Variants in PKD1L3 observed in about 807,000 individuals in gnomAD.
The protein encoded by PKD1L3 is polycystin-1-like protein 3.
In PKD1L3, 239 loss-of-function variants were observed where a neutral mutation model predicts 184.1. That is an observed-to-expected ratio of 1.30 (90% confidence interval 1.17 to 1.45). The LOEUF is 1.45. Among genes scored for constraint, PKD1L3 ranks in the 40% most tolerant of loss-of-function variants. The pLI is 0.00. For missense variants in PKD1L3, 2,660 were observed against 2,067.2 expected, an observed-to-expected ratio of 1.29 and a Z score of -5.56; for synonymous variants, 996 against 778.8, an observed-to-expected ratio of 1.28 and a Z score of -4.64.
intron 11 of PKD1L3, among the ~76,000 whole-genome samples, chr16:71,975,248 G>A (rs2039875979): frequency 6.8e-6 from 1 of 147,812 alleles, no homozygotes. Context: ...TGTGGAGACA[G>A]AGTCTCGCTC....
chr16:71,964,968 C>T (rs542879053), intron 15 of PKD1L3, among the ~76,000 whole-genome samples: 49 of 151,718 alleles, frequency 3.2e-4, no homozygotes, highest in Non-Finnish European at 5.9e-4. Flanking sequence ...CGCCTCAGCC[C>T]CCCAAGTAGC....
Position 71,954,302 on chromosome 16 carries a change from C to A in PKD1L3, c.2613-1G>T. 2 of 1,523,974 alleles carry A rather than the reference C, an allele frequency of 1.3e-6. No individual in the cohort carries two copies. The highest frequency in any genetic ancestry group is 1.2e-5 in the South Asian group (1 of 80,422). The allele number at this position is 1,523,974 out of a possible 1,614,324, so 94.4% of individuals were successfully genotyped here. On this transcript the variant is annotated splice_acceptor_variant, in intron 16 of 29. Coordinates refer to ENST00000620267, the MANE Select transcript of PKD1L3 (RefSeq NM_181536.2). LOFTEE classifies it high-confidence loss of function. ...CACAATCATGGAGGAAAACAGATGT[C>A]TGAAAAGAGAAATCAGAAGAGGAAA...
intron 16 of PKD1L3, among the ~76,000 whole-genome samples, chr16:71,957,079 G>C (rs1007865705): frequency 6.6e-6 from 1 of 152,090 alleles, no homozygotes; most frequent in Non-Finnish European, 1.5e-5. Flanking sequence ...TCATAAATTA[G>C]AATTTTAATT....
At chr16:71,939,723 A>C (rs1448133897) in intron 24 of PKD1L3, among the ~76,000 whole-genome samples, 1 of 152,192 alleles carries the variant, frequency 6.6e-6, no homozygotes, top group African/African-American at 2.4e-5. Flanking sequence ...ATGTGATGGA[A>C]AATGGAAGGA....
chr16:71,932,124 G>A (rs2143092870), intron 28 of PKD1L3, among the ~76,000 whole-genome samples: 1 of 152,252 alleles, frequency 6.6e-6, no homozygotes. Context: ...TTGAATCTGT[G>A]GATGCAGACC....
At chr16:71,937,501 C>G in intron 24 of PKD1L3, 82 bp from the exon 25 acceptor site, 4 of 1,433,870 alleles carry the variant, frequency 2.8e-6, no homozygotes, top group Non-Finnish European at 3.7e-6. Flanking sequence ...TGAATAACCC[C>G]AACTCTTCCT....
At chr16:71,934,247 G>A in intron 26 of PKD1L3, 122 bp from the exon 27 acceptor site, 1 of 837,922 alleles carries the variant, frequency 1.2e-6, no homozygotes. Flanking sequence ...GCTTGTTGAT[G>A]TGAGAACTGC....
chr16:71,980,237 G>A, intron 7 of PKD1L3, 103 bp from the exon 8 acceptor site: 2 of 1,375,820 alleles, frequency 1.5e-6, no homozygotes, highest in South Asian at 2.8e-5. Flanking sequence ...TCACAGTGTT[G>A]TAATGAAGGG....
At chr16:71,986,171 A>G in intron 5 of PKD1L3, 50 bp downstream of exon 5, 1 of 1,541,572 alleles carries the variant, frequency 6.5e-7, no homozygotes, top group Non-Finnish European at 8.8e-7. Context: ...TGAACCAAGT[A>G]CTTTTTGGGG....
intron 21 of PKD1L3, among the ~76,000 whole-genome samples, chr16:71,949,196 GT>G (rs1243521446): frequency 2.6e-5 from 4 of 151,890 alleles, no homozygotes. Context: ...AACATTTTAA[GT>G]TTTTTGTTGT....
chr16:71,997,102 T>G (rs2040813642), intron 2 of PKD1L3, among the ~76,000 whole-genome samples: 1 of 152,072 alleles, frequency 6.6e-6, no homozygotes, highest in African/African-American at 2.4e-5. Flanking sequence ...ACAGTATGAC[T>G]GCTATGGCTA....
chr16:71,969,793 T>C, intron 13 of PKD1L3, 82 bp downstream of exon 13: 1 of 1,278,814 alleles, frequency 7.8e-7, no homozygotes, highest in Non-Finnish European at 1.1e-6. Context: ...TCCTGCTGCT[T>C]TTGACGAAGG....
chr16:71,939,899 A>T (rs1205077755), intron 24 of PKD1L3, among the ~76,000 whole-genome samples: 1 of 152,188 alleles, frequency 6.6e-6, no homozygotes, highest in African/African-American at 2.4e-5. Flanking sequence ...GAAGAAAAGG[A>T]GGGCAGATGA....
In PKD1L3 at chr16:71,933,499, C is replaced by A; in HGVS notation, c.4847G>T (p.Ser1616Ile). ...AIAFNLLFGC[S>I]ISDYRTFFSS... ...GAAAAATGTCCGGTAGTCAGAGATGCTGCATCCAAACAGCAGGTTAAACTG... is the reference window on the plus strand; with the variant it reads ...GAAAAATGTCCGGTAGTCAGAGATGATGCATCCAAACAGCAGGTTAAACTG... The change falls in exon 28 of 30, where the codon AGC becomes ATC. Residue 1616 changes from serine (S) to isoleucine (I), a missense_variant. Coordinates refer to ENST00000620267, the MANE Select transcript of PKD1L3 (RefSeq NM_181536.2). 6.4e-7 allele frequency: 1 copy of A among 1,551,560 alleles called. No homozygotes were observed. Among genetic ancestry groups the A allele is most frequent in the African/African-American group, 1.4e-5 (1 of 73,124 alleles).
Position 71,986,056 on chromosome 16 carries a change from T to C in PKD1L3, c.834+165A>G, listed in dbSNP as rs371114082. On this transcript the variant is annotated intron_variant, in intron 5 of 29. Coordinates refer to ENST00000620267, the MANE Select transcript of PKD1L3 (RefSeq NM_181536.2). ...GAAACGTTGGGCTGTATATGTGCTG[T>C]CAAATTGGCTGTTTCCATGGACTTG... is the stretch of plus-strand genomic sequence containing the variant. 3.9e-5 allele frequency among the ~76,000 whole-genome samples: 6 copies of C among 152,328 alleles called. No homozygotes were observed. The South Asian group carries it at 1.0e-3, about 26-fold the overall frequency.
intron 11 of PKD1L3, among the ~76,000 whole-genome samples, chr16:71,974,198 C>T (rs1168370424): frequency 6.6e-6 from 1 of 152,126 alleles, no homozygotes; most frequent in Admixed American, 6.6e-5. Flanking sequence ...AAGCCCAGGA[C>T]TGCACGCTAG....
At chr16:71,971,054 G>C (rs1465887425) in intron 12 of PKD1L3, among the ~76,000 whole-genome samples, 2 of 152,114 alleles carry the variant, frequency 1.3e-5, no homozygotes. Flanking sequence ...TCCTAGACTT[G>C]GGCATGGCAC....
At chr16:71,948,803 TAAAA>T (rs57129483) in intron 21 of PKD1L3, among the ~76,000 whole-genome samples, 16 of 81,206 alleles carry the variant, frequency 2.0e-4, no homozygotes, top group Non-Finnish European at 2.6e-4. Context: ...TTACATATAG[TAAAA>T]AAAAAAAAAA....
In PKD1L3 at chr16:71,982,449, C is replaced by T. The variant is rs183048834; in HGVS notation, c.967-214G>A. 2.8e-3 allele frequency among the ~76,000 whole-genome samples: 420 copies of T among 151,920 alleles called. 3 individuals carry two copies. Among genetic ancestry groups the T allele is most frequent in the African/African-American group, 9.7e-3 (402 of 41,440 alleles). ...TACAGGCATGAGCCACCATGCTCAA[C>T]TAATTTTGTATTTTTAGCAGAGATG... On this transcript the variant is annotated intron_variant, in intron 6 of 29. Transcript: ENST00000620267.
Sources: allele counts gnomAD v4.1 joint callset (sites outside exome capture counted in the v4.1 genomes callset), GRCh38; gene constraint gnomAD v4.1.1; transcripts MANE v1.5; gene names NCBI Gene and HGNC (gene_info 2026-07-23, HGNC 2026-07-21).